The following TMEM135 variants were observed in gnomAD, a reference collection of about 807,000 sequenced individuals.
TMEM135 encodes peroxisomal membrane protein 52.
Under a neutral mutation model 60.3 loss-of-function variants are expected in TMEM135, and 30 were observed. The ratio of observed to expected loss-of-function variants is 0.50; its 90% CI spans 0.37 to 0.68. TMEM135 has a LOEUF of 0.68. Ranked by LOEUF, TMEM135 falls within the 30% of genes least tolerant of loss-of-function variation. The probability of loss-of-function intolerance (pLI) is 0.00; values close to 1 mark genes in which losing one functional copy is unlikely to be tolerated. For synonymous variants in TMEM135, 190 were observed against 186.7 expected (o/e 1.02, Z -0.14); for missense variants, 468 against 548.8 (o/e 0.85, Z 1.47).
chr11:87,212,861 A>C, intron 5 of TMEM135, among the ~76,000 whole-genome samples: 1 of 151,798 alleles, frequency 6.6e-6, no homozygotes, highest in East Asian at 1.9e-4. Flanking sequence ...ATATTGTCTA[A>C]GAATGGGCAT....
At chr11:87,197,904 A>C (rs145458506) in intron 5 of TMEM135, among the ~76,000 whole-genome samples, 3 of 152,004 alleles carry the variant, frequency 2.0e-5, no homozygotes, top group Admixed American at 1.3e-4. Context: ...CATTTAGAAA[A>C]TATTTATCTA....
intron 5 of TMEM135, among the ~76,000 whole-genome samples, chr11:87,161,458 T>C (rs1451926868): frequency 6.6e-6 from 1 of 152,180 alleles, no homozygotes; most frequent in Non-Finnish European, 1.5e-5. Flanking sequence ...ATTATCTCTT[T>C]TCTCATATAA....
intron 5 of TMEM135, among the ~76,000 whole-genome samples, chr11:87,184,494 A>G (rs555395053): frequency 6.6e-6 from 1 of 152,302 alleles, no homozygotes; most frequent in East Asian, 1.9e-4. Flanking sequence ...AACAAAGACA[A>G]TACATAGTGA....
intron 5 of TMEM135, among the ~76,000 whole-genome samples, chr11:87,162,559 T>C (rs1342834548): frequency 6.6e-6 from 1 of 151,850 alleles, no homozygotes; most frequent in Non-Finnish European, 1.5e-5. Context: ...AGTCATCCCT[T>C]TTATGGCTGC....
At chr11:87,290,067 A>G (rs1336308160) in intron 6 of TMEM135, among the ~76,000 whole-genome samples, 1 of 152,220 alleles carries the variant, frequency 6.6e-6, no homozygotes, top group Non-Finnish European at 1.5e-5. Context: ...TAGATTGCGA[A>G]GAAATATTTT....
Position 87,087,290 on chromosome 11 carries a change from CA to C in TMEM135, c.363-4055del, listed in dbSNP as rs111844297. On this transcript the variant is annotated intron_variant, in intron 3 of 14. Transcript: ENST00000305494. Reference sequence around the variant, plus strand: ...TGGTTAGCACCTTTGGTCTTATTTTCAAAAAAAAAAAAAAAAACCTTCAGGT... The same window carrying C: ...TGGTTAGCACCTTTGGTCTTATTTTCAAAAAAAAAAAAAAAACCTTCAGGT... Among the ~76,000 whole-genome samples, 1,032 of 133,496 alleles carry C rather than the reference CA, an allele frequency of 7.7e-3. 9 individuals are homozygous for C. Among genetic ancestry groups the C allele is most frequent in the African/African-American group, 0.023 (869 of 37,960 alleles). 87.6% of individuals were successfully genotyped at this position (133,496 alleles called of 152,430 possible).
chr11:87,299,340 A>C (rs1485721944), intron 7 of TMEM135, among the ~76,000 whole-genome samples: 1 of 152,146 alleles, frequency 6.6e-6, no homozygotes. Flanking sequence ...GGAGAGGGAG[A>C]GAGCTAGAGT....
chr11:87,270,478 G>T (rs965493147), intron 6 of TMEM135, among the ~76,000 whole-genome samples: 3 of 152,248 alleles, frequency 2.0e-5, no homozygotes, highest in African/African-American at 7.2e-5. Flanking sequence ...TCTACTTTAA[G>T]AATTTTAATT....
intron 6 of TMEM135, among the ~76,000 whole-genome samples, chr11:87,283,937 C>T (rs1388107275): frequency 1.3e-5 from 2 of 150,326 alleles, no homozygotes; most frequent in East Asian, 3.9e-4. Flanking sequence ...ATATTTTTCA[C>T]TATGTTTGTA....
intron 4 of TMEM135, among the ~76,000 whole-genome samples, chr11:87,129,449 G>A: frequency 6.6e-6 from 1 of 151,604 alleles, no homozygotes. Flanking sequence ...CGCCATATTG[G>A]CCAGGCTGGT....
At chr11:87,185,782 A>T (rs897727300) in intron 5 of TMEM135, among the ~76,000 whole-genome samples, 10 of 152,212 alleles carry the variant, frequency 6.6e-5, no homozygotes, top group Admixed American at 5.2e-4. Context: ...CCCTTTATTT[A>T]ACATTATTCA....
intron 3 of TMEM135, among the ~76,000 whole-genome samples, chr11:87,081,713 T>G (rs767566239): frequency 2.0e-5 from 3 of 151,860 alleles, no homozygotes; most frequent in Non-Finnish European, 2.9e-5. Context: ...TTTCTGTTTT[T>G]CTTTTCCTGT....
intron 5 of TMEM135, among the ~76,000 whole-genome samples, chr11:87,171,321 G>T (rs1205531823): frequency 4.1e-5 from 6 of 144,818 alleles, no homozygotes; most frequent in Non-Finnish European, 6.0e-5. Flanking sequence ...GGTATTTCAG[G>T]TTCAAGACAG....
At chr11:87,199,192 G>A (rs984521647) in intron 5 of TMEM135, among the ~76,000 whole-genome samples, 3 of 151,550 alleles carry the variant, frequency 2.0e-5, no homozygotes, top group East Asian at 1.9e-4. Flanking sequence ...AAACCCTGTC[G>A]CTACTAAAAA....
intron 5 of TMEM135, among the ~76,000 whole-genome samples, chr11:87,199,023 G>T (rs905959719): frequency 7.9e-5 from 12 of 152,142 alleles, no homozygotes; most frequent in Non-Finnish European, 1.6e-4. Context: ...CTTAGCTTTA[G>T]AAAATATTTG....
At chr11:87,168,611 G>A (rs61905573) in intron 5 of TMEM135, among the ~76,000 whole-genome samples, 15 of 152,230 alleles carry the variant, frequency 9.9e-5, no homozygotes, top group African/African-American at 2.4e-4. Flanking sequence ...TTAGTTGTGC[G>A]GTTTTAAGGG....
chr11:87,324,911 C>G lies in TMEM135; in HGVS notation c.*3578C>G, dbSNP rs1179922530. The G allele has an allele frequency of 2.2e-6, 1 of 453,804 alleles. No individual in the cohort carries two copies. The highest frequency in any genetic ancestry group is 2.0e-5 in the African/African-American group (1 of 50,050). 28.1% of individuals were successfully genotyped at this position (453,804 alleles called of 1,614,324 possible). A position where few individuals can be genotyped will look rare whatever the true frequency, so the allele number is the denominator to read the frequency against. On this transcript the variant is annotated 3_prime_UTR_variant, in exon 15 of 15. Coordinates refer to ENST00000305494, the MANE Select transcript of TMEM135 (RefSeq NM_022918.4). Reference sequence around the variant, plus strand: ...ACTTCACTCAGCTGAAAATGAGTGGCCAAGAAAAAAATACAAGAAAAGGAA... The same window carrying G: ...ACTTCACTCAGCTGAAAATGAGTGGGCAAGAAAAAAATACAAGAAAAGGAA...
chr11:87,177,970 G>C (rs974884809), intron 5 of TMEM135, among the ~76,000 whole-genome samples: 19 of 152,154 alleles, frequency 1.2e-4, no homozygotes, highest in Non-Finnish European at 2.4e-4. Context: ...GAAGGGACCT[G>C]GACCTAAAGC....
intron 5 of TMEM135, among the ~76,000 whole-genome samples, chr11:87,213,279 G>A (rs191017790): frequency 1.9e-4 from 29 of 152,264 alleles, no homozygotes; most frequent in Non-Finnish European, 3.1e-4. Context: ...TTCTCTACCA[G>A]TGTCCTGTGG....
Sources: allele counts gnomAD v4.1 joint callset (sites outside exome capture counted in the v4.1 genomes callset), GRCh38; gene constraint gnomAD v4.1.1; transcripts MANE v1.5; gene names NCBI Gene and HGNC (gene_info 2026-07-23, HGNC 2026-07-21).